PPM1E: variants seen among roughly 807,000 people sequenced by gnomAD.
The protein encoded by PPM1E is protein phosphatase 1E.
A neutral mutation model predicts 65.9 loss-of-function variants in PPM1E; 20 were observed. That is an observed-to-expected ratio of 0.30 (90% CI 0.21 to 0.44). The LOEUF (loss-of-function observed/expected upper bound fraction) is 0.44. Among genes scored for constraint, PPM1E ranks in the 20% least tolerant of loss-of-function variants. PPM1E has a pLI of 1.00. For synonymous variants in PPM1E, 352 were observed against 374.9 expected (o/e 0.94, Z 0.70); for missense variants, 713 against 953.1 (o/e 0.75, Z 3.32).
intron 4 of PPM1E, among the ~76,000 whole-genome samples, chr17:58,971,555 TA>T (rs1414942656): frequency 1.3e-5 from 2 of 152,298 alleles, no homozygotes; most frequent in East Asian, 1.9e-4. Flanking sequence ...GTAGGAAGGA[TA>T]TTTTTTTAAA....
At chr17:58,871,841 GA>G (rs2051074641) in intron 1 of PPM1E, among the ~76,000 whole-genome samples, 1 of 149,146 alleles carries the variant, frequency 6.7e-6, no homozygotes, top group Non-Finnish European at 1.5e-5. Context: ...AGAAGAAGAA[GA>G]AGAATATTTA....
intron 2 of PPM1E, among the ~76,000 whole-genome samples, chr17:58,963,395 A>G (rs1360054972): frequency 1.3e-5 from 2 of 149,746 alleles, no homozygotes; most frequent in Non-Finnish European, 3.0e-5. Flanking sequence ...CTCAAAAAAA[A>G]AAAAAAAACT....
chr17:58,796,579 C>T lies in PPM1E; in HGVS notation c.464+40118C>T, dbSNP rs1054254968. Among the ~76,000 whole-genome samples, 3 of 151,570 alleles carry T rather than the reference C, an allele frequency of 2.0e-5. 1 individual carries two copies. In the South Asian group the frequency reaches 6.3e-4, roughly 32 times the overall value. ...GCCACTGTGCTTGGCCTCTATGGCA[C>T]TTTAATTTGACATTGACCTTTATCT... On this transcript the variant is annotated intron_variant, in intron 1 of 6. Transcript: ENST00000308249.
At chr17:58,763,955 T>C (rs1372637279) in intron 1 of PPM1E, among the ~76,000 whole-genome samples, 1 of 152,108 alleles carries the variant, frequency 6.6e-6, no homozygotes, top group East Asian at 1.9e-4. Context: ...TAAAGTCCAA[T>C]AGGAATATAA....
intron 1 of PPM1E, among the ~76,000 whole-genome samples, chr17:58,810,230 A>G (rs1289654939): frequency 2.0e-5 from 3 of 151,766 alleles, no homozygotes; most frequent in Admixed American, 6.6e-5. Context: ...TTTTTCTGAG[A>G]CGGAGTCTCA....
At chr17:58,906,053 G>A (rs2143485519) in intron 1 of PPM1E, among the ~76,000 whole-genome samples, 1 of 152,206 alleles carries the variant, frequency 6.6e-6, no homozygotes, top group South Asian at 2.1e-4. Flanking sequence ...AGTCTTGCAA[G>A]GAATTGATTC....
chr17:58,781,821 G>A (rs1012886853), intron 1 of PPM1E, among the ~76,000 whole-genome samples: 1 of 151,906 alleles, frequency 6.6e-6, no homozygotes, highest in African/African-American at 2.4e-5. Context: ...AGTAGGTAGA[G>A]GTTGCAGTGA....
At chr17:58,942,063 A>G (rs1015362649) in intron 1 of PPM1E, among the ~76,000 whole-genome samples, 2 of 151,860 alleles carry the variant, frequency 1.3e-5, no homozygotes, top group Non-Finnish European at 2.9e-5. Flanking sequence ...TTACCCACTA[A>G]TGGATCATAA....
intron 1 of PPM1E, chr17:58,899,484 C>A: frequency 4.3e-6 from 1 of 230,910 alleles, no homozygotes; most frequent in South Asian, 7.0e-5. Flanking sequence ...CTGTGTATGT[C>A]ACGTTGGTGG....
intron 1 of PPM1E, among the ~76,000 whole-genome samples, chr17:58,879,789 G>C (rs990593429): frequency 2.0e-5 from 3 of 152,082 alleles, no homozygotes; most frequent in African/African-American, 7.2e-5. Context: ...GATTACAGGC[G>C]TGAGCCACCG....
chr17:58,797,288 GATGCATGT>G (rs1388652253), intron 1 of PPM1E, among the ~76,000 whole-genome samples: 1 of 152,066 alleles, frequency 6.6e-6, no homozygotes, highest in Non-Finnish European at 1.5e-5. Flanking sequence ...AATTTTGACA[GATGCATGT>G]ATCTGCTAAC....
intron 1 of PPM1E, among the ~76,000 whole-genome samples, chr17:58,907,239 C>A (rs550133013): frequency 2.0e-4 from 29 of 145,868 alleles, no homozygotes; most frequent in Non-Finnish European, 1.7e-4. Context: ...CGATGAGACT[C>A]CATCTAAAAA....
At chr17:58,844,087 A>G (rs1222474868) in intron 1 of PPM1E, among the ~76,000 whole-genome samples, 1 of 152,176 alleles carries the variant, frequency 6.6e-6, no homozygotes, top group Non-Finnish European at 1.5e-5. Context: ...GAATTATAGT[A>G]CTATTTTTTG....
chr17:58,949,455 TTTG>T (rs748700439), intron 1 of PPM1E, among the ~76,000 whole-genome samples: 1 of 152,190 alleles, frequency 6.6e-6, no homozygotes, highest in Admixed American at 6.5e-5. Context: ...GTTTGTTTGC[TTTG>T]TTGTTGTTGT....
intron 1 of PPM1E, among the ~76,000 whole-genome samples, chr17:58,794,437 G>A (rs369171087): frequency 1.3e-5 from 2 of 152,022 alleles, no homozygotes; most frequent in African/African-American, 4.8e-5. Context: ...TTAGCTTCAG[G>A]GGTACATGTG....
intron 1 of PPM1E, among the ~76,000 whole-genome samples, chr17:58,850,492 C>G (rs1401639496): frequency 6.6e-6 from 1 of 152,136 alleles, no homozygotes; most frequent in Non-Finnish European, 1.5e-5. Flanking sequence ...AATCTCTCAG[C>G]ATTTGTTTGT....
chr17:58,864,014 G>A (rs1180404605), intron 1 of PPM1E, among the ~76,000 whole-genome samples: 1 of 151,412 alleles, frequency 6.6e-6, no homozygotes, highest in Non-Finnish European at 1.5e-5. Context: ...GCAGGTCCAG[G>A]CTTGAGGGTG....
At chr17:58,971,638 G>C (rs2030631921) in intron 4 of PPM1E, among the ~76,000 whole-genome samples, 1 of 152,162 alleles carries the variant, frequency 6.6e-6, no homozygotes, top group Admixed American at 6.5e-5. Context: ...CCAGAGATTA[G>C]AGCATCTGTT....
At position 58,816,767 on chromosome 17, in the gene PPM1E, TA is replaced by T. The variant is rs1567842106; in HGVS notation, c.464+60307del. ...ATATATATATATATATATATATATA[TA>T]TATATATATATATATATATATATAT... On this transcript the variant is annotated intron_variant, in intron 1 of 6. Transcript: ENST00000308249. 2.4e-3 allele frequency among the ~76,000 whole-genome samples: 35 copies of T among 14,854 alleles called. 2 individuals are homozygous for T. The highest frequency in any genetic ancestry group is 0.023 in the Middle Eastern group (1 of 44). 9.7% of individuals were successfully genotyped at this position (14,854 alleles called of 152,430 possible).
Sources: gnomAD v4.1 joint callset for allele counts (sites outside exome capture counted in the v4.1 genomes callset) on GRCh38, gnomAD v4.1.1 for gene constraint, MANE v1.5 for transcripts, NCBI Gene and HGNC (gene_info 2026-07-23, HGNC 2026-07-21) for gene names.